The following SNX29 variants were observed in gnomAD, a reference collection of about 807,000 sequenced individuals.
SNX29 encodes the protein sorting nexin-29.
Under a neutral mutation model 102.1 loss-of-function variants are expected in SNX29, and 78 were observed. That is an observed-to-expected ratio of 0.76 (90% CI 0.64 to 0.92). SNX29 has a LOEUF of 0.92. Among genes scored for constraint, SNX29 ranks in the 40% least tolerant of loss-of-function variants. The pLI is 0.00. For missense variants in SNX29, 1,280 were observed against 1,061.7 expected (o/e 1.21, Z -2.86); for synonymous variants, 580 against 414.5 (o/e 1.40, Z -4.85).
At chr16:12,385,060 C>T (rs765003294) in intron 16 of SNX29, among the ~76,000 whole-genome samples, 1 of 152,188 alleles carries the variant, frequency 6.6e-6, no homozygotes, top group Non-Finnish European at 1.5e-5. Context: ...GTACTAGCTA[C>T]TTGGGAGGCA....
intron 4 of SNX29, among the ~76,000 whole-genome samples, chr16:12,040,574 C>T (rs1481219485): frequency 6.6e-6 from 1 of 152,038 alleles, no homozygotes; most frequent in Admixed American, 6.6e-5. Context: ...GGAAATCTTT[C>T]GTAAGGAACT....
chr16:12,303,122 T>G (rs150390919), intron 15 of SNX29, among the ~76,000 whole-genome samples: 1 of 152,346 alleles, frequency 6.6e-6, no homozygotes, highest in African/African-American at 2.4e-5. Context: ...ACCGTGAAGC[T>G]GTCTGTCTGT....
rs543331526 is a variant in SNX29 at position 12,559,661 on chromosome 16, C to G, written c.2319-8845C>G. On this transcript the variant is annotated intron_variant, in intron 20 of 20. Coordinates refer to ENST00000566228, the MANE Select transcript of SNX29 (RefSeq NM_032167.5). The stretch of plus-strand genomic sequence containing the variant: ...TCCAAATGTAAGCCACATTCTGCTT[C>G]TCTACCATGGGCCTGGGGCAGTAAC... 6.8e-4 allele frequency among the ~76,000 whole-genome samples: 103 copies of G among 152,234 alleles called. 1 individual carries two copies. Among genetic ancestry groups the G allele is most frequent in the African/African-American group, 2.3e-3 (95 of 41,534 alleles).
intron 18 of SNX29, among the ~76,000 whole-genome samples, chr16:12,455,509 C>T (rs1429726526): frequency 2.6e-5 from 4 of 152,238 alleles, no homozygotes; most frequent in African/African-American, 9.6e-5. Flanking sequence ...TTTCTCCCCA[C>T]ATTAGCCAGT....
intron 20 of SNX29, among the ~76,000 whole-genome samples, chr16:12,533,481 G>C (rs983210041): frequency 6.6e-6 from 1 of 152,178 alleles, no homozygotes; most frequent in Non-Finnish European, 1.5e-5. Context: ...CCAGCAGTGG[G>C]GTTCCTGGAC....
At chr16:12,546,992 G>A (rs537247947) in intron 20 of SNX29, among the ~76,000 whole-genome samples, 3 of 152,044 alleles carry the variant, frequency 2.0e-5, no homozygotes, top group African/African-American at 4.8e-5. Context: ...TACTTACAGT[G>A]CACCATTTCA....
At chr16:12,190,485 T>C (rs900934874) in intron 13 of SNX29, among the ~76,000 whole-genome samples, 4 of 151,976 alleles carry the variant, frequency 2.6e-5, no homozygotes, top group Non-Finnish European at 4.4e-5. Flanking sequence ...ACAAGCCCCA[T>C]GTGGTGGAGG....
chr16:12,565,404 T>C (rs1005773450), intron 20 of SNX29, among the ~76,000 whole-genome samples: 9 of 151,324 alleles, frequency 5.9e-5, no homozygotes, highest in Non-Finnish European at 1.2e-4. Context: ...TCCACTCAAC[T>C]TGTCCCAAAT....
intron 8 of SNX29, among the ~76,000 whole-genome samples, chr16:12,058,475 G>GTT (rs1256643874): frequency 1.0e-5 from 1 of 96,292 alleles, no homozygotes; most frequent in African/African-American, 4.1e-5. Flanking sequence ...GCCCACTGGT[G>GTT]TTTTTTTTTT....
chr16:12,491,510 G>GT (rs147506042), intron 19 of SNX29, among the ~76,000 whole-genome samples: 2 of 150,520 alleles, frequency 1.3e-5, no homozygotes, highest in African/African-American at 2.4e-5. Flanking sequence ...TGCTGCTGTT[G>GT]TTTTTTTTTA....
intron 19 of SNX29, among the ~76,000 whole-genome samples, chr16:12,496,507 C>CTT (rs537441350): frequency 0.027 from 3,095 of 115,066 alleles, 167 homozygotes; most frequent in East Asian, 0.19. Flanking sequence ...GCTCTCATGG[C>CTT]TTTTTTTTTT....
intron 20 of SNX29, among the ~76,000 whole-genome samples, chr16:12,560,341 G>A (rs942513157): frequency 2.6e-5 from 4 of 152,028 alleles, no homozygotes; most frequent in Admixed American, 6.6e-5. Context: ...TTACCGAAGG[G>A]GGATTTACAT....
intron 14 of SNX29, among the ~76,000 whole-genome samples, chr16:12,252,753 G>T (rs2078458566): frequency 6.6e-6 from 1 of 152,198 alleles, no homozygotes; most frequent in Non-Finnish European, 1.5e-5. Context: ...CCCCTAAGAG[G>T]CAGCCGCCAT....
At chr16:12,539,974 T>G (rs2077252999) in intron 20 of SNX29, among the ~76,000 whole-genome samples, 1 of 152,186 alleles carries the variant, frequency 6.6e-6, no homozygotes, top group Non-Finnish European at 1.5e-5. Flanking sequence ...TTGCACATAT[T>G]TTCTTCTAGT....
At chr16:12,326,610 G>A (rs2081128224) in intron 15 of SNX29, among the ~76,000 whole-genome samples, 1 of 152,224 alleles carries the variant, frequency 6.6e-6, no homozygotes, top group Non-Finnish European at 1.5e-5. Context: ...AACGGGCACT[G>A]GGGCTGGCTT....
intron 11 of SNX29, among the ~76,000 whole-genome samples, chr16:12,084,791 G>C (rs529983037): frequency 6.6e-6 from 1 of 152,174 alleles, no homozygotes; most frequent in Non-Finnish European, 1.5e-5. Flanking sequence ...TAAATAGGCC[G>C]GGTGCAGTGG....
At chr16:12,538,537 G>A (rs533538196) in intron 20 of SNX29, among the ~76,000 whole-genome samples, 8 of 152,304 alleles carry the variant, frequency 5.3e-5, no homozygotes, top group Non-Finnish European at 7.3e-5. Flanking sequence ...TATGCGTGAG[G>A]TGATGGGCTA....
intron 15 of SNX29, among the ~76,000 whole-genome samples, chr16:12,329,240 G>A (rs1453303840): frequency 7.8e-6 from 1 of 128,254 alleles, no homozygotes; most frequent in Admixed American, 1.0e-4. Flanking sequence ...TTATGCCACT[G>A]CACTCCAGCC....
Position 12,385,843 on chromosome 16 carries a change from G to T in SNX29, c.1900-12603G>T, listed in dbSNP as rs1246495042. 3.9e-5 allele frequency among the ~76,000 whole-genome samples: 6 copies of T among 152,350 alleles called. No homozygotes were observed. The South Asian group carries it at 1.2e-3, about 32-fold the overall frequency. On this transcript the variant is annotated intron_variant, in intron 16 of 20. Transcript: ENST00000566228. ...AAAGAATTTATTGTTGGAAAACGGG[G>T]CGGCAAGATGGACAACATTCTCTGG...
Sources: gnomAD v4.1 joint callset for allele counts (sites outside exome capture counted in the v4.1 genomes callset) on GRCh38, gnomAD v4.1.1 for gene constraint, MANE v1.5 for transcripts, NCBI Gene and HGNC (gene_info 2026-07-23, HGNC 2026-07-21) for gene names.